GALNT13: variants seen among roughly 807,000 people sequenced by gnomAD.
GALNT13 encodes the protein UDP-GalNAc:polypeptide N-acetylgalactosaminyltransferase 13.
GALNT13 carries 28 observed loss-of-function variants against 64.2 expected under a neutral mutation model. That is an observed-to-expected ratio of 0.44 (90% confidence interval 0.32 to 0.60). GALNT13 has a LOEUF of 0.60. GALNT13 is among the 20% of genes least tolerant of loss of function. The pLI is 0.05. For synonymous variants in GALNT13, 214 were observed against 224.6 expected, an observed-to-expected ratio of 0.95 and a Z score of 0.42; for missense variants, 577 against 669.8, an observed-to-expected ratio of 0.86 and a Z score of 1.53.
chr2:154,254,793 G>A (rs975047855), intron 7 of GALNT13, among the ~76,000 whole-genome samples: 3 of 152,160 alleles, frequency 2.0e-5, no homozygotes, highest in South Asian at 4.2e-4. Flanking sequence ...CACAACTTAT[G>A]CAGAGGAAAC....
At chr2:154,053,834 T>A (rs774552284) in intron 3 of GALNT13, among the ~76,000 whole-genome samples, 10 of 152,166 alleles carry the variant, frequency 6.6e-5, no homozygotes, top group Non-Finnish European at 1.2e-4. Flanking sequence ...TCTTCTTAAT[T>A]GTGAAATGCC....
the GALNT13 span, among the ~76,000 whole-genome samples, chr2:153,071,622 G>A: frequency 6.6e-6 from 1 of 152,168 alleles, no homozygotes; most frequent in South Asian, 2.1e-4. Context: ...TAACTAAGAA[G>A]TTTTACTGAC....
chr2:153,376,686 A>C, the GALNT13 span, among the ~76,000 whole-genome samples: 1 of 152,162 alleles, frequency 6.6e-6, no homozygotes. Flanking sequence ...TTGTGAGAGG[A>C]AGGAGATGAG....
chr2:154,071,604 T>C (rs1442604995), intron 3 of GALNT13, among the ~76,000 whole-genome samples: 1 of 152,162 alleles, frequency 6.6e-6, no homozygotes, highest in Admixed American at 6.6e-5. Flanking sequence ...CTATGAAATA[T>C]GTTGATAATC....
chr2:153,717,131 G>A, the GALNT13 span, among the ~76,000 whole-genome samples: 1 of 152,124 alleles, frequency 6.6e-6, no homozygotes, highest in Non-Finnish European at 1.5e-5. Flanking sequence ...GGGTGGCAGT[G>A]TTTATTCCCC....
chr2:154,274,147 T>G (rs1691507372), intron 8 of GALNT13, among the ~76,000 whole-genome samples: 1 of 152,134 alleles, frequency 6.6e-6, no homozygotes, highest in Admixed American at 6.6e-5. Flanking sequence ...GGATGGCATA[T>G]ACGCAAGGTG....
chr2:153,732,345 G>A, the GALNT13 span, among the ~76,000 whole-genome samples: 5 of 152,012 alleles, frequency 3.3e-5, no homozygotes, highest in South Asian at 2.1e-4. Context: ...TGCCTAATTC[G>A]TGAGCATGTG....
Position 154,413,611 on chromosome 2 carries a change from C to G in GALNT13, c.1395+4529C>G, listed in dbSNP as rs548009929. Among the ~76,000 whole-genome samples, 4 of 152,048 alleles carry G rather than the reference C, an allele frequency of 2.6e-5. No homozygotes were observed. In the East Asian group the frequency reaches 7.7e-4, roughly 29 times the overall value. ...ATCGGTCTCCTGTGCTCTAGACATA[C>G]GTCTCATGATTTCTCATTCCTTGAA... On this transcript the variant is annotated intron_variant, in intron 11 of 12. Transcript: ENST00000392825.
chr2:154,228,319 A>G (rs1688737538), intron 4 of GALNT13, among the ~76,000 whole-genome samples: 2 of 152,096 alleles, frequency 1.3e-5, no homozygotes, highest in Non-Finnish European at 2.9e-5. Flanking sequence ...AATTGACCCT[A>G]TCTCTTTAGG....
chr2:153,077,240 C>A, the GALNT13 span, among the ~76,000 whole-genome samples: 1 of 152,106 alleles, frequency 6.6e-6, no homozygotes, highest in African/African-American at 2.4e-5. Flanking sequence ...GTGTGAGCCA[C>A]CATGCCTGGC....
intron 3 of GALNT13, among the ~76,000 whole-genome samples, chr2:154,009,104 C>G (rs1456213515): frequency 6.6e-6 from 1 of 151,684 alleles, no homozygotes; most frequent in Non-Finnish European, 1.5e-5. Context: ...TTTCACTCTT[C>G]TGCCTGTGGC....
At chr2:153,661,875 C>T in the GALNT13 span, among the ~76,000 whole-genome samples, 1 of 152,168 alleles carries the variant, frequency 6.6e-6, no homozygotes, top group African/African-American at 2.4e-5. Flanking sequence ...ATAACATTTT[C>T]ATCATAAGCA....
the GALNT13 span, among the ~76,000 whole-genome samples, chr2:153,272,050 A>G: frequency 6.6e-6 from 1 of 152,164 alleles, no homozygotes; most frequent in African/African-American, 2.4e-5. Flanking sequence ...GTGCTGGGAA[A>G]ACTGGCTAGC....
the GALNT13 span, among the ~76,000 whole-genome samples, chr2:153,752,194 C>G: frequency 6.6e-6 from 1 of 151,912 alleles, no homozygotes; most frequent in East Asian, 1.9e-4. Context: ...TGTGTCTTGA[C>G]AAGTTGTTAT....
the GALNT13 span, among the ~76,000 whole-genome samples, chr2:153,379,270 A>G: frequency 6.6e-6 from 1 of 152,176 alleles, no homozygotes; most frequent in African/African-American, 2.4e-5. Flanking sequence ...TGTATATTCC[A>G]TCTGGCTCAT....
At chr2:153,449,420 C>G in the GALNT13 span, among the ~76,000 whole-genome samples, 1 of 152,084 alleles carries the variant, frequency 6.6e-6, no homozygotes, top group East Asian at 1.9e-4. Context: ...ACCCTGAGAT[C>G]CCACTTCTGA....
At chr2:153,797,570 G>T in the GALNT13 span, among the ~76,000 whole-genome samples, 4 of 152,054 alleles carry the variant, frequency 2.6e-5, no homozygotes. Context: ...AGTCTGCATG[G>T]GTAGAGATCA....
intron 8 of GALNT13, among the ~76,000 whole-genome samples, chr2:154,291,958 G>A (rs967253984): frequency 6.6e-6 from 1 of 152,188 alleles, no homozygotes; most frequent in Non-Finnish European, 1.5e-5. Context: ...TTGAAGAGCC[G>A]AGCCCTCTGT....
chr2:153,350,528 A>G, the GALNT13 span, among the ~76,000 whole-genome samples: 2 of 151,782 alleles, frequency 1.3e-5, no homozygotes, highest in African/African-American at 4.8e-5. Flanking sequence ...GACTACAGGC[A>G]TCCGCCACCA....
Sources: gnomAD v4.1 joint callset for allele counts (sites outside exome capture counted in the v4.1 genomes callset) on GRCh38, gnomAD v4.1.1 for gene constraint, MANE v1.5 for transcripts, NCBI Gene and HGNC (gene_info 2026-07-23, HGNC 2026-07-21) for gene names.